Variants in ADGRL2 observed in about 807,000 individuals in gnomAD.
ADGRL2 encodes the protein adhesion G protein-coupled receptor L2.
In ADGRL2, 44 loss-of-function variants were observed where a neutral mutation model predicts 157.4. The ratio of observed to expected loss-of-function variants is 0.28; its 90% CI spans 0.22 to 0.36. The LOEUF (loss-of-function observed/expected upper bound fraction) is 0.36. ADGRL2 is among the 10% of genes least tolerant of loss of function. The pLI is 1.00. For synonymous variants in ADGRL2, 585 were observed against 624.7 expected, an observed-to-expected ratio of 0.94 and a Z score of 0.95; for missense variants, 1,510 against 1,768.9, an observed-to-expected ratio of 0.85 and a Z score of 2.63.
chr1:81,425,360 T>A (rs1231045095), intron 1 of ADGRL2, among the ~76,000 whole-genome samples: 1 of 152,154 alleles, frequency 6.6e-6, no homozygotes, highest in Non-Finnish European at 1.5e-5. Context: ...TGTAGCTAAC[T>A]GTTACTACTA....
chr1:81,376,404 T>C (rs148112374), intron 1 of ADGRL2, among the ~76,000 whole-genome samples: 2 of 152,292 alleles, frequency 1.3e-5, no homozygotes, highest in African/African-American at 4.8e-5. Context: ...CCAAATGCCA[T>C]AATGTTTCCA....
intron 1 of ADGRL2, chr1:81,721,874 T>C (rs748164365): frequency 2.8e-5 from 21 of 761,716 alleles, no homozygotes; most frequent in Non-Finnish European, 4.4e-5. Context: ...AAAAACCTGA[T>C]AGTAAGAAGG....
At chr1:81,909,777 G>A (rs2094670533) in intron 3 of ADGRL2, among the ~76,000 whole-genome samples, 1 of 151,658 alleles carries the variant, frequency 6.6e-6, no homozygotes, top group African/African-American at 2.4e-5. Context: ...GAGACCAGTT[G>A]CCTTTTCTTT....
intron 2 of ADGRL2, among the ~76,000 whole-genome samples, chr1:81,475,003 C>A (rs979738782): frequency 2.0e-5 from 3 of 152,122 alleles, no homozygotes; most frequent in African/African-American, 7.2e-5. Flanking sequence ...GTGACAACTG[C>A]GCTAGGAACC....
At chr1:81,509,091 A>G (rs113165772) in intron 2 of ADGRL2, among the ~76,000 whole-genome samples, 42 of 152,310 alleles carry the variant, frequency 2.8e-4, no homozygotes, top group African/African-American at 9.6e-4. Context: ...CCACTGCCAC[A>G]TTCCTTGTGC....
chr1:81,494,041 G>A lies in ADGRL2; in HGVS notation c.-248+48952G>A, dbSNP rs553434696. 1.4e-4 allele frequency among the ~76,000 whole-genome samples: 21 copies of A among 152,256 alleles called. No homozygotes were observed. The South Asian group carries it at 4.1e-3, about 30-fold the overall frequency. On this transcript the variant is annotated intron_variant, in intron 2 of 24. Coordinates refer to the ADGRL2 transcript ENST00000370721. Reference sequence around the variant, plus strand: ...CACTTCACTTTGAAATCAGCTGAATGCTAGAATGTCAACAGTCACAAACTT... The same window carrying A: ...CACTTCACTTTGAAATCAGCTGAATACTAGAATGTCAACAGTCACAAACTT...
chr1:81,311,911 G>A (rs991709864), intron 1 of ADGRL2, among the ~76,000 whole-genome samples: 6 of 152,100 alleles, frequency 3.9e-5, no homozygotes, highest in South Asian at 2.1e-4. Context: ...AGAAGACAGT[G>A]GGGGAATGGG....
intron 1 of ADGRL2, among the ~76,000 whole-genome samples, chr1:81,382,108 T>C (rs1399972707): frequency 2.0e-5 from 3 of 152,130 alleles, no homozygotes; most frequent in Non-Finnish European, 4.4e-5. Flanking sequence ...TGCTTCGAGG[T>C]TCCAAAGAAT....
At chr1:81,753,715 G>A (rs187928437) in intron 1 of ADGRL2, among the ~76,000 whole-genome samples, 2 of 152,290 alleles carry the variant, frequency 1.3e-5, no homozygotes, top group African/African-American at 4.8e-5. Context: ...TAGAATGTAA[G>A]CTCATGAAGT....
chr1:81,876,781 A>G (rs2093852100), intron 2 of ADGRL2, among the ~76,000 whole-genome samples: 1 of 152,176 alleles, frequency 6.6e-6, no homozygotes, highest in Non-Finnish European at 1.5e-5. Context: ...CAGACTAGAG[A>G]AAAATTATTA....
chr1:81,390,746 G>A (rs1433333846), intron 1 of ADGRL2, among the ~76,000 whole-genome samples: 1 of 152,300 alleles, frequency 6.6e-6, no homozygotes, highest in East Asian at 1.9e-4. Context: ...AGTACATATT[G>A]ATCTACCATC....
At chr1:81,468,636 T>C (rs534928629) in intron 2 of ADGRL2, among the ~76,000 whole-genome samples, 7 of 152,310 alleles carry the variant, frequency 4.6e-5, no homozygotes, top group Non-Finnish European at 1.0e-4. Context: ...GTTGTTAATG[T>C]TTAAAGGATG....
At chr1:81,877,847 G>C (rs543694527) in intron 2 of ADGRL2, among the ~76,000 whole-genome samples, 2 of 152,142 alleles carry the variant, frequency 1.3e-5, no homozygotes, top group Admixed American at 1.3e-4. Context: ...CTGCTTAATA[G>C]CGATTAAATC....
intron 2 of ADGRL2, among the ~76,000 whole-genome samples, chr1:81,898,971 C>T (rs2094441835): frequency 6.6e-6 from 1 of 152,164 alleles, no homozygotes; most frequent in Non-Finnish European, 1.5e-5. Context: ...CGTAGAGTCA[C>T]AGCCTCACTC....
In ADGRL2 at chr1:81,907,059, A is replaced by G; in HGVS notation, c.116A>G (p.Glu39Gly). 6.2e-7 allele frequency: 1 copy of G among 1,614,090 alleles called. No individual in the cohort carries two copies. The highest frequency in any genetic ancestry group is 8.5e-7 in the Non-Finnish European group (1 of 1,180,004). ...TTACCATTTGGGCTGGTGAGGCGAGAATTATCCTGTGAAGGTTATTCTATA... is the reference window on the plus strand; with the variant it reads ...TTACCATTTGGGCTGGTGAGGCGAGGATTATCCTGTGAAGGTTATTCTATA... ...AALPFGLVRR[E>G]LSCEGYSIDL... Residue 39 changes from glutamate (E) to glycine (G), a missense_variant, in exon 3 of 24, where the codon GAA (glutamate) becomes GGA (glycine). By Grantham distance (98) the Glu-to-Gly change is moderately conservative. Around this residue, in one of 4 missense-constraint regions of ADGRL2, gnomAD observed 361 missense variants for 498.4 expected, o/e 0.72. Transcript: ENST00000686636.
At chr1:81,671,921 A>G (rs1190526666) in intron 3 of ADGRL2, among the ~76,000 whole-genome samples, 1 of 152,214 alleles carries the variant, frequency 6.6e-6, no homozygotes, top group Non-Finnish European at 1.5e-5. Context: ...GTATATGGAT[A>G]TGTTTGTGTG....
At chr1:81,416,068 T>G (rs1033198610) in intron 1 of ADGRL2, among the ~76,000 whole-genome samples, 1 of 152,040 alleles carries the variant, frequency 6.6e-6, no homozygotes, top group Non-Finnish European at 1.5e-5. Flanking sequence ...GCCAGGATGG[T>G]CTCGATCTTG....
chr1:81,763,225 A>G (rs185337969), intron 2 of ADGRL2, among the ~76,000 whole-genome samples: 1 of 152,222 alleles, frequency 6.6e-6, no homozygotes, highest in African/African-American at 2.4e-5. Flanking sequence ...CATATTTATT[A>G]TTAGATAAAT....
intron 2 of ADGRL2, among the ~76,000 whole-genome samples, chr1:81,516,766 A>G (rs1298396982): frequency 3.9e-5 from 6 of 152,224 alleles, no homozygotes; most frequent in African/African-American, 1.4e-4. Flanking sequence ...TAAGTGGAAA[A>G]GTGTATAGAC....
Sources: allele counts gnomAD v4.1 joint callset (sites outside exome capture counted in the v4.1 genomes callset), GRCh38; gene constraint gnomAD v4.1.1; regional missense constraint gnomAD v4.1.1; transcripts MANE v1.5; gene names NCBI Gene and HGNC (gene_info 2026-07-23, HGNC 2026-07-21).